NKX2-3: variants seen among roughly 807,000 people sequenced by gnomAD.
NKX2-3 encodes NK2 homeobox 3.
In NKX2-3, 3 loss-of-function variants were observed where a neutral mutation model predicts 14.2. That is an observed-to-expected ratio of 0.21 (90% confidence interval 0.10 to 0.55). The LOEUF is 0.55. NKX2-3 is among the 20% of genes least tolerant of loss of function. The probability of loss-of-function intolerance (pLI) is 0.94; values close to 1 mark genes in which losing one functional copy is unlikely to be tolerated. For synonymous variants in NKX2-3, 276 were observed against 234.2 expected (o/e 1.18, Z -1.63); for missense variants, 511 against 514.5 (o/e 0.99, Z 0.06).
Position 99,535,329 on chromosome 10 carries a change from G to T in NKX2-3, c.703G>T (p.Gly235Cys), listed in dbSNP as rs1324072957. Residue 235 changes from glycine (G) to cysteine (C), a missense_variant, in exon 2 of 2, where the codon GGC becomes TGC. Gly to Cys is a radical substitution (Grantham distance 159). Coordinates refer to ENST00000344586, the MANE Select transcript of NKX2-3 (RefSeq NM_145285.3). ...RVAVPVLVRD[G>C]KPCVTPSAQA... ...GGCTGTCCCGGTGCTGGTGCGGGAC[G>T]GCAAGCCGTGCGTCACGCCCAGCGC... 1.3e-6 allele frequency: 2 copies of T among 1,538,546 alleles called. No individual in the cohort carries two copies. The highest frequency in any genetic ancestry group is 1.7e-6 in the Non-Finnish European group (2 of 1,144,158).
chr10:99,533,962 G>A (rs1008084657), intron 1 of NKX2-3, among the ~76,000 whole-genome samples: 1 of 152,228 alleles, frequency 6.6e-6, no homozygotes, highest in Non-Finnish European at 1.5e-5. Context: ...TGTGTCTCTC[G>A]CACCCGCAGG....
rs745873047 is a variant in NKX2-3 at position 99,533,332 on chromosome 10, C to A, written c.201C>A (p.Gly67=). The A allele has an allele frequency of 4.3e-6, 7 of 1,612,846 alleles. No individual in the cohort carries two copies. In the African/African-American group the frequency reaches 6.7e-5, roughly 15 times the overall value. ...DGGEEDEEDE[G]EKLSYLNSLA... is the part of the protein sequence containing the mutation. ...GGGAGGAGGACGAGGAAGACGAGGG[C>A]GAGAAATTGTCCTATTTGAACTCAC... Residue 67 remains glycine (G), a synonymous_variant, in exon 1 of 2, where the codon GGC becomes GGA. Transcript: ENST00000344586.
rs141309484 is a variant in NKX2-3, at chr10:99,536,012, C to T, written c.*291C>T. On this transcript the variant is annotated 3_prime_UTR_variant, in exon 2 of 2. Coordinates refer to ENST00000344586, the MANE Select transcript of NKX2-3 (RefSeq NM_145285.3). ...GCGAGAGGAGACCAGGAGGCTAGGA[C>T]CCTGGCCGCGCTTGGTTCTTCCAAA... 9.5e-4 allele frequency: 403 copies of T among 422,064 alleles called. 1 individual carries two copies. The highest frequency in any genetic ancestry group is 5.7e-3 in the African/African-American group (271 of 47,720). The allele number at this position is 422,064 out of a possible 1,614,324, so 26.1% of individuals were successfully genotyped here.
intron 1 of NKX2-3, among the ~76,000 whole-genome samples, chr10:99,534,494 C>T (rs914899208): frequency 2.6e-5 from 4 of 152,216 alleles, no homozygotes; most frequent in African/African-American, 9.6e-5. Context: ...GCCACACACA[C>T]ACACAAGTCC....
Position 99,533,048 on chromosome 10 carries a change from T to A in NKX2-3, c.-84T>A. On this transcript the variant is annotated 5_prime_UTR_variant, in exon 1 of 2. Coordinates refer to ENST00000344586, the MANE Select transcript of NKX2-3 (RefSeq NM_145285.3). The stretch of plus-strand genomic sequence containing the variant: ...GCCCGACTCGGCAGCAGCGGCGGAG[T>A]CCAGGAGGAGAGCTGGAGCCGCCGC... The A allele has an allele frequency of 1.1e-6, 1 of 939,662 alleles. No individual in the cohort carries two copies. The allele number at this position is 939,662 out of a possible 1,614,324, so 58.2% of individuals were successfully genotyped here. A position where few individuals can be genotyped will look rare whatever the true frequency, so the allele number is the denominator to read the frequency against.
Position 99,533,043 on chromosome 10 carries a change from C to G in NKX2-3, c.-89C>G. 1 of 892,222 alleles carries G rather than the reference C, an allele frequency of 1.1e-6. No individual in the cohort carries two copies. The highest frequency in any genetic ancestry group is 1.7e-6 in the Non-Finnish European group (1 of 572,476). 55.3% of individuals were successfully genotyped at this position (892,222 alleles called of 1,614,324 possible). Reference sequence around the variant, plus strand: ...CAAAAGCCCGACTCGGCAGCAGCGGCGGAGTCCAGGAGGAGAGCTGGAGCC... The same window carrying G: ...CAAAAGCCCGACTCGGCAGCAGCGGGGGAGTCCAGGAGGAGAGCTGGAGCC... On this transcript the variant is annotated 5_prime_UTR_variant, in exon 1 of 2. Transcript: ENST00000344586.
chr10:99,533,561 G>A (rs7908704), intron 1 of NKX2-3, 72 bp downstream of exon 1: 614,767 of 1,173,812 alleles, frequency 0.52, 162,027 homozygotes, highest in Admixed American at 0.6. Flanking sequence ...ACAGCCCACA[G>A]ACCTTGCCAG....
Position 99,535,843 on chromosome 10 carries a change from T to C in NKX2-3, c.*122T>C. On this transcript the variant is annotated 3_prime_UTR_variant, in exon 2 of 2. Transcript: ENST00000344586. The stretch of plus-strand genomic sequence containing the variant: ...TAAAAAAATATGTACGTCTAGCTCC[T>C]CAGGGCTTCGGATCGCAGCTCACTC... The C allele has an allele frequency of 8.7e-7, 1 of 1,144,734 alleles. No homozygotes were observed. The highest frequency in any genetic ancestry group is 1.7e-5 in the South Asian group (1 of 60,190). 70.9% of individuals were successfully genotyped at this position (1,144,734 alleles called of 1,614,324 possible). A position where few individuals can be genotyped will look rare whatever the true frequency, so the allele number is the denominator to read the frequency against.
chr10:99,533,109 G>A lies in NKX2-3; in HGVS notation c.-23G>A. On this transcript the variant is annotated 5_prime_UTR_variant, in exon 1 of 2. Coordinates refer to ENST00000344586, the MANE Select transcript of NKX2-3 (RefSeq NM_145285.3). ...CGCCCCCGCCGGGATTTATTATTTG[G>A]ACTGGACAATTAAGTGGCCCTGATG... 1 of 1,501,420 alleles carries A rather than the reference G, an allele frequency of 6.7e-7. No homozygotes were observed. Among genetic ancestry groups the A allele is most frequent in the East Asian group, 2.3e-5 (1 of 43,808 alleles). 93.0% of individuals were successfully genotyped at this position (1,501,420 alleles called of 1,614,324 possible). A position where few individuals can be genotyped will look rare whatever the true frequency, so the allele number is the denominator to read the frequency against.
rs374871429 is a variant in NKX2-3 at position 99,535,082 on chromosome 10, G to A, written c.456G>A (p.Arg152=). The A allele has an allele frequency of 6.2e-7, 1 of 1,608,448 alleles. No individual in the cohort carries two copies. Among genetic ancestry groups the A allele is most frequent in the Non-Finnish European group, 8.5e-7 (1 of 1,177,812 alleles). Reference sequence around the variant, plus strand: ...AGCCACGCAGCCGCCGGAAGCCCCGGGTCCTCTTCTCGCAAGCCCAGGTCT... The same window carrying A: ...AGCCACGCAGCCGCCGGAAGCCCCGAGTCCTCTTCTCGCAAGCCCAGGTCT... ...RPKPRSRRKP[R]VLFSQAQVFE... The change falls in exon 2 of 2, where the codon CGG becomes CGA. Residue 152 remains arginine, a synonymous_variant. Coordinates refer to ENST00000344586, the MANE Select transcript of NKX2-3 (RefSeq NM_145285.3).
At position 99,535,283 on chromosome 10, in the gene NKX2-3, C is replaced by CCCG. The variant is rs762115813; in HGVS notation, c.668_670dup (p.Pro223dup). 9.4e-6 allele frequency: 15 copies of CCCG among 1,594,072 alleles called. No individual in the cohort carries two copies. Among genetic ancestry groups the CCCG allele is most frequent in the African/African-American group, 2.7e-5 (2 of 74,448 alleles). On this transcript the variant is annotated inframe_insertion, in exon 2 of 2. Transcript: ENST00000344586. ...CTCTGGAGCTTGGCGCACACGCGCC[C>CCCG]CCGCCGCCGCCGCGCCGCGTGGCTG...
At position 99,535,517 on chromosome 10, in the gene NKX2-3, GGGCGGCGGCGGC is replaced by G. The variant is rs751487317; in HGVS notation, c.903_914del (p.Gly302_Gly305del). The G allele has an allele frequency of 1.7e-5, 22 of 1,269,102 alleles. No homozygotes were observed. In the East Asian group the frequency reaches 3.2e-4, roughly 19 times the overall value. 78.6% of individuals were successfully genotyped at this position (1,269,102 alleles called of 1,614,324 possible). A position where few individuals can be genotyped will look rare whatever the true frequency, so the allele number is the denominator to read the frequency against. ...GCAGCTATGGCTGTGCGTACCCGGC[GGGCGGCGGCGGC>G]GGCGGCGGCGGGACCTCCGCGGCGA... On this transcript the variant is annotated inframe_deletion, in exon 2 of 2. Transcript: ENST00000344586.
chr10:99,534,536 A>G (rs1343296459), intron 1 of NKX2-3, among the ~76,000 whole-genome samples: 4 of 152,230 alleles, frequency 2.6e-5, no homozygotes, highest in African/African-American at 9.6e-5. Flanking sequence ...CACTCAGAAC[A>G]GATTTTCGCG....
chr10:99,535,767 C>T lies in NKX2-3; in HGVS notation c.*46C>T. On this transcript the variant is annotated 3_prime_UTR_variant, in exon 2 of 2. Coordinates refer to ENST00000344586, the MANE Select transcript of NKX2-3 (RefSeq NM_145285.3). ...CGGGCACCCCAGCGCAGCCTGGCGCCGCGGGACTGAAGCTCGAGAAGGGCC... is the reference window on the plus strand; with the variant it reads ...CGGGCACCCCAGCGCAGCCTGGCGCTGCGGGACTGAAGCTCGAGAAGGGCC... 6.6e-7 allele frequency: 1 copy of T among 1,504,006 alleles called. No individual in the cohort carries two copies. The highest frequency in any genetic ancestry group is 8.8e-7 in the Non-Finnish European group (1 of 1,134,174). 93.2% of individuals were successfully genotyped at this position (1,504,006 alleles called of 1,614,324 possible). A position where few individuals can be genotyped will look rare whatever the true frequency, so the allele number is the denominator to read the frequency against.
Position 99,533,326 on chromosome 10 carries a change from C to G in NKX2-3, c.195C>G (p.Asp65Glu). The G allele has an allele frequency of 6.2e-7, 1 of 1,613,216 alleles. No individual in the cohort carries two copies. The highest frequency in any genetic ancestry group is 8.5e-7 in the Non-Finnish European group (1 of 1,179,716). ...FSDGGEEDEE[D>E]EGEKLSYLNS... The stretch of plus-strand genomic sequence containing the variant: ...ACGGAGGGGAGGAGGACGAGGAAGA[C>G]GAGGGCGAGAAATTGTCCTATTTGA... The change falls in exon 1 of 2, where the codon GAC (aspartate) becomes GAG (glutamate). Residue 65 changes from aspartate (D) to glutamate (E), a missense_variant. Asp to Glu is a conservative substitution (Grantham distance 45). Around this residue, in one of 3 missense-constraint regions of NKX2-3, gnomAD observed 243 missense variants for 242.3 expected, o/e 1.00. Transcript: ENST00000344586.
Position 99,533,142 on chromosome 10 carries a change from C to T in NKX2-3, c.11C>T (p.Pro4Leu). The stretch of plus-strand genomic sequence containing the variant: ...AATTAAGTGGCCCTGATGATGTTAC[C>T]AAGCCCGGTCACCTCCACCCCTTTC... MMLPSPVTSTPFSV... is the reference protein window; with the variant it reads MMLLSPVTSTPFSV... Residue 4 changes from proline (P) to leucine (L), a missense_variant, in exon 1 of 2, where the codon CCA (proline) becomes CTA (leucine). This residue lies in a region of NKX2-3 where 243 missense variants were observed against 242.3 expected (regional missense o/e 1.00). Transcript: ENST00000344586. 6.4e-7 allele frequency: 1 copy of T among 1,554,260 alleles called. No individual in the cohort carries two copies. Among genetic ancestry groups the T allele is most frequent in the African/African-American group, 1.4e-5 (1 of 73,746 alleles).
Position 99,535,878 on chromosome 10 carries a change from G to T in NKX2-3, c.*157G>T. On this transcript the variant is annotated 3_prime_UTR_variant, in exon 2 of 2. Coordinates refer to ENST00000344586, the MANE Select transcript of NKX2-3 (RefSeq NM_145285.3). ...GGATCGCAGCTCACTCGAGGCCTGG[G>T]GAAGGGGACTCAGGGGCGAGGAGGA... is the stretch of plus-strand genomic sequence containing the variant. 4 of 864,364 alleles carry T rather than the reference G, an allele frequency of 4.6e-6. No homozygotes were observed. Among genetic ancestry groups the T allele is most frequent in the Non-Finnish European group, 6.7e-6 (4 of 598,976 alleles). 53.5% of individuals were successfully genotyped at this position (864,364 alleles called of 1,614,324 possible). A position where few individuals can be genotyped will look rare whatever the true frequency, so the allele number is the denominator to read the frequency against.
In NKX2-3 at chr10:99,533,050, C is replaced by A; in HGVS notation, c.-82C>A. 1.0e-6 allele frequency: 1 copy of A among 984,206 alleles called. No homozygotes were observed. Among genetic ancestry groups the A allele is most frequent in the Non-Finnish European group, 1.5e-6 (1 of 651,502 alleles). 61.0% of individuals were successfully genotyped at this position (984,206 alleles called of 1,614,324 possible). On this transcript the variant is annotated 5_prime_UTR_variant, in exon 1 of 2. Coordinates refer to ENST00000344586, the MANE Select transcript of NKX2-3 (RefSeq NM_145285.3). ...CCGACTCGGCAGCAGCGGCGGAGTC[C>A]AGGAGGAGAGCTGGAGCCGCCGCGC...
Position 99,535,673 on chromosome 10 carries a change from C to A in NKX2-3, c.1047C>A (p.Ala349=), listed in dbSNP as rs1188564031. 2.0e-6 allele frequency: 3 copies of A among 1,537,170 alleles called. 1 individual carries two copies. In the South Asian group the frequency reaches 3.6e-5, roughly 18 times the overall value. Residue 349 remains alanine, a synonymous_variant, in exon 2 of 2, where the codon GCC becomes GCA. Coordinates refer to ENST00000344586, the MANE Select transcript of NKX2-3 (RefSeq NM_145285.3). ...SAQPLHQGTA[A]GAACAQGTLQ... is the part of the protein sequence containing the mutation. ...AGCCGTTGCACCAGGGTACTGCAGC[C>A]GGGGCCGCGTGCGCTCAGGGCACCT...
Sources: allele counts gnomAD v4.1 joint callset (sites outside exome capture counted in the v4.1 genomes callset), GRCh38; gene constraint gnomAD v4.1.1; regional missense constraint gnomAD v4.1.1; transcripts MANE v1.5; gene names NCBI Gene and HGNC (gene_info 2026-07-23, HGNC 2026-07-21).